Variants in NDUFA10 observed in about 807,000 individuals in gnomAD.
NDUFA10 encodes the protein NADH dehydrogenase [ubiquinone] 1 alpha subcomplex subunit 10, mitochondrial.
NDUFA10 carries 40 observed loss-of-function variants against 47.8 expected under a neutral mutation model. The observed-to-expected ratio is 0.84, with a 90% confidence interval of 0.65 to 1.09. The LOEUF (loss-of-function observed/expected upper bound fraction) is 1.09. NDUFA10 is among the 50% of genes least tolerant of loss of function. The pLI is 0.00. For missense variants in NDUFA10, 413 were observed against 451.1 expected, an observed-to-expected ratio of 0.92 and a Z score of 0.76; for synonymous variants, 183 against 172.2, an observed-to-expected ratio of 1.06 and a Z score of -0.49.
intron 4 of NDUFA10, among the ~76,000 whole-genome samples, chr2:239,900,247 G>A (rs534355133): frequency 5.3e-5 from 8 of 151,208 alleles, no homozygotes; most frequent in Non-Finnish European, 1.2e-4. Flanking sequence ...TTCTCAGCTT[G>A]CAGACAGACT....
At chr2:239,936,340 G>A (rs1179802232) in intron 4 of NDUFA10, among the ~76,000 whole-genome samples, 3 of 152,230 alleles carry the variant, frequency 2.0e-5, no homozygotes, top group Non-Finnish European at 4.4e-5. Flanking sequence ...ATTGCTCCTG[G>A]TGTCTCCTTA....
At chr2:239,950,930 A>C (rs1024953012) in intron 4 of NDUFA10, among the ~76,000 whole-genome samples, 9 of 152,230 alleles carry the variant, frequency 5.9e-5, no homozygotes, top group African/African-American at 1.9e-4. Context: ...AAGAGGTTTC[A>C]AGTCAGCGTC....
intron 3 of NDUFA10, among the ~76,000 whole-genome samples, chr2:240,020,619 T>C (rs1246105332): frequency 6.6e-6 from 1 of 152,086 alleles, no homozygotes; most frequent in Non-Finnish European, 1.5e-5. Flanking sequence ...TCTCCCAGGC[T>C]CCCCAGTACA....
chr2:239,901,671 T>C (rs1290234307), intron 4 of NDUFA10, among the ~76,000 whole-genome samples: 1 of 151,818 alleles, frequency 6.6e-6, no homozygotes, highest in Non-Finnish European at 1.5e-5. Flanking sequence ...ATAGCTGACA[T>C]AGATAGTGGT....
chr2:239,953,133 G>A (rs547266434), downstream of NDUFA10, among the ~76,000 whole-genome samples: 1 of 152,208 alleles, frequency 6.6e-6, no homozygotes, highest in African/African-American at 2.4e-5. Flanking sequence ...GAGCAAATGG[G>A]GTTGAAGATC....
chr2:239,995,935 T>C (rs1396469611), intron 8 of NDUFA10, among the ~76,000 whole-genome samples: 2 of 152,106 alleles, frequency 1.3e-5, no homozygotes, highest in Non-Finnish European at 2.9e-5. Context: ...TCAAAATATA[T>C]GATGCAAAAA....
At chr2:239,936,320 G>A (rs781579404) in intron 4 of NDUFA10, among the ~76,000 whole-genome samples, 1 of 152,252 alleles carries the variant, frequency 6.6e-6, no homozygotes, top group Non-Finnish European at 1.5e-5. Flanking sequence ...TCCCCAGGCA[G>A]AGAATGGGCA....
rs911635626 is a variant in NDUFA10, at chr2:240,016,321, G to A, written c.548-1461C>T. 3.9e-5 allele frequency among the ~76,000 whole-genome samples: 6 copies of A among 152,138 alleles called. No individual in the cohort carries two copies. The highest frequency in any genetic ancestry group is 5.9e-5 in the Non-Finnish European group (4 of 68,026). The stretch of plus-strand genomic sequence containing the variant: ...CTGACTGCTGGACCGGTAGCAGGCC[G>A]GTCTCTCCTGCTGCTGAGGTGAAAC... On this transcript the variant is annotated intron_variant, in intron 4 of 9. Coordinates refer to ENST00000252711, the MANE Select transcript of NDUFA10 (RefSeq NM_004544.4). This position sits in a 1 kb window ranked among gnomAD's most constrained non-coding sequence, Gnocchi z 4.4.
chr2:239,953,020 T>A (rs1302097835), downstream of NDUFA10, among the ~76,000 whole-genome samples: 2 of 152,176 alleles, frequency 1.3e-5, no homozygotes, highest in Non-Finnish European at 2.9e-5. Context: ...GGCCTTCTTG[T>A]CGGCCCAAGG....
chr2:240,015,499 T>G (rs3792082), intron 4 of NDUFA10, among the ~76,000 whole-genome samples: 127,604 of 152,294 alleles, frequency 0.84, 54,014 homozygotes, highest in African/African-American at 0.96. Context: ...ATTTATCCCG[T>G]TTCAGTAGTA....
chr2:239,905,483 G>A (rs68134147), intron 4 of NDUFA10, among the ~76,000 whole-genome samples: 28,193 of 152,220 alleles, frequency 0.19, 2,795 homozygotes, highest in African/African-American at 0.26. Flanking sequence ...TGGTGGCGGG[G>A]TATGTGCGTC....
At chr2:239,951,521 G>C (rs1159055501) in intron 4 of NDUFA10, among the ~76,000 whole-genome samples, 2 of 152,180 alleles carry the variant, frequency 1.3e-5, no homozygotes, top group East Asian at 3.9e-4. Context: ...TGCCTGGTCA[G>C]GGTCCTCCTC....
chr2:239,946,662 C>T (rs572010161), intron 4 of NDUFA10, among the ~76,000 whole-genome samples: 2 of 152,338 alleles, frequency 1.3e-5, no homozygotes, highest in Admixed American at 6.5e-5. Context: ...CGGCTCCTGA[C>T]GCTGGTGCAG....
intron 9 of NDUFA10, among the ~76,000 whole-genome samples, chr2:239,963,463 G>A (rs762009112): frequency 4.6e-4 from 70 of 152,232 alleles, no homozygotes; most frequent in Non-Finnish European, 9.0e-4. Context: ...GGCCTAAGTT[G>A]TGACCTGTGT....
intron 8 of NDUFA10, among the ~76,000 whole-genome samples, chr2:240,004,568 G>A (rs761668814): frequency 9.6e-5 from 14 of 146,266 alleles, no homozygotes; most frequent in Non-Finnish European, 1.5e-4. Context: ...CTCTTCCACC[G>A]CGGCCTCCCC....
chr2:239,942,428 A>T (rs1694374418), intron 4 of NDUFA10, among the ~76,000 whole-genome samples: 1 of 152,246 alleles, frequency 6.6e-6, no homozygotes, highest in African/African-American at 2.4e-5. Flanking sequence ...TTCTGTCAAT[A>T]GCAATTTCAG....
chr2:239,918,637 A>G (rs898226636), intron 4 of NDUFA10, among the ~76,000 whole-genome samples: 2 of 152,224 alleles, frequency 1.3e-5, no homozygotes, highest in Non-Finnish European at 2.9e-5. Context: ...CCAGCTCTGG[A>G]GAACAGCTCT....
chr2:239,933,412 C>T (rs984363212), intron 4 of NDUFA10, among the ~76,000 whole-genome samples: 70 of 152,272 alleles, frequency 4.6e-4, no homozygotes, highest in African/African-American at 1.4e-3. Context: ...AGGCTGCAGC[C>T]GGGCCTGGGG....
intron 4 of NDUFA10, among the ~76,000 whole-genome samples, chr2:239,913,245 C>A (rs1574773540): frequency 1.3e-5 from 2 of 152,254 alleles, no homozygotes; most frequent in Admixed American, 1.3e-4. Flanking sequence ...TGGGGAGTGA[C>A]CCAGGTGGGA....
Sources: allele counts gnomAD v4.1 joint callset (sites outside exome capture counted in the v4.1 genomes callset), GRCh38; gene constraint gnomAD v4.1.1; non-coding constraint Gnocchi (gnomAD v3.1); transcripts MANE v1.5; gene names NCBI Gene and HGNC (gene_info 2026-07-23, HGNC 2026-07-21).